The following SYN3 variants were observed in gnomAD, a reference collection of about 807,000 sequenced individuals.
SYN3 encodes synapsin III.
Under a neutral mutation model 65.8 loss-of-function variants are expected in SYN3, and 35 were observed. The observed-to-expected ratio is 0.53, with a 90% CI of 0.41 to 0.70. The LOEUF is 0.70. SYN3 is among the 30% of genes least tolerant of loss of function. SYN3 has a pLI of 0.00. For missense variants in SYN3, 680 were observed against 749.0 expected (o/e 0.91, Z 1.08); for synonymous variants, 270 against 292.9 (o/e 0.92, Z 0.80).
rs188394207 is a variant in SYN3, at chr22:32,877,176, G to A, written c.462-8051C>T. ...ACAATTGCTCCGAGGTCACTTCTAAGTGTGAAGCCCCCAGATCAGATGGCT... is the reference window on the plus strand; with the variant it reads ...ACAATTGCTCCGAGGTCACTTCTAAATGTGAAGCCCCCAGATCAGATGGCT... On this transcript the variant is annotated intron_variant, in intron 4 of 13. Coordinates refer to ENST00000358763, the MANE Select transcript of SYN3 (RefSeq NM_003490.4). Among the ~76,000 whole-genome samples, 58 of 152,278 alleles carry A rather than the reference G, an allele frequency of 3.8e-4. No homozygotes were observed. The East Asian group carries it at 7.7e-3, about 20-fold the overall frequency.
rs747774661 is a variant in SYN3 at position 33,006,534 on chromosome 22, C to T, written c.129G>A (p.Arg43=). The T allele has an allele frequency of 2.2e-5, 35 of 1,614,160 alleles. No individual in the cohort carries two copies. The highest frequency in any genetic ancestry group is 2.8e-5 in the Non-Finnish European group (33 of 1,180,034). ...SSPASPAMER[R]HPQPLAASFS... ...AGGAGGCAGCCAGGGGCTGGGGGTG[C>T]CTCCTCTCCATGGCGGGGGAAGCAG... Residue 43 remains arginine, a synonymous_variant, in exon 2 of 14, where the codon AGG becomes AGA. Transcript: ENST00000358763.
intron 6 of SYN3, among the ~76,000 whole-genome samples, chr22:32,729,383 C>A (rs2061240491): frequency 6.6e-6 from 1 of 152,232 alleles, no homozygotes; most frequent in African/African-American, 2.4e-5. Context: ...AAGTTGCAGA[C>A]AGAGCCAGTG....
intron 6 of SYN3, among the ~76,000 whole-genome samples, chr22:32,811,228 A>AG (rs1160615129): frequency 1.3e-5 from 2 of 152,088 alleles, no homozygotes; most frequent in Non-Finnish European, 2.9e-5. Flanking sequence ...AAGCAGACTG[A>AG]GGGGGGCCCC....
rs758431090 is a variant in SYN3, at chr22:33,006,467, C to T, written c.196G>A (p.Ala66Thr). The T allele has an allele frequency of 6.2e-7, 1 of 1,614,174 alleles. No homozygotes were observed. The highest frequency in any genetic ancestry group is 1.1e-5 in the South Asian group (1 of 91,078). ...GSSLFSSLSS[A>T]MKQAPQATSG... ...GTGGCCTGAGGGGCCTGCTTCATGG[C>T]ACTGGAGAGGGAGCTAAAAAGGCTG... is the stretch of plus-strand genomic sequence containing the variant. Residue 66 changes from alanine (A) to threonine (T), a missense_variant, in exon 2 of 14, where the codon GCC (alanine) becomes ACC (threonine). Coordinates refer to ENST00000358763, the MANE Select transcript of SYN3 (RefSeq NM_003490.4).
intron 4 of SYN3, among the ~76,000 whole-genome samples, chr22:32,916,067 A>T (rs2050178204): frequency 6.6e-6 from 1 of 152,176 alleles, no homozygotes; most frequent in Non-Finnish European, 1.5e-5. Context: ...CCCTCTTGAA[A>T]ACCAGCTACC....
chr22:32,690,507 T>C (rs1416489477), intron 6 of SYN3, among the ~76,000 whole-genome samples: 1 of 152,200 alleles, frequency 6.6e-6, no homozygotes, highest in African/African-American at 2.4e-5. Flanking sequence ...CCAGCTGTTA[T>C]GGCCTTATTT....
chr22:32,752,902 G>T (rs542423336), intron 6 of SYN3, among the ~76,000 whole-genome samples: 4 of 152,112 alleles, frequency 2.6e-5, no homozygotes, highest in Non-Finnish European at 2.9e-5. Context: ...GAAATGGAGC[G>T]GGGGTGAGTG....
At chr22:32,642,437 TTTTTA>T (rs2059914378) in intron 6 of SYN3, among the ~76,000 whole-genome samples, 1 of 151,812 alleles carries the variant, frequency 6.6e-6, no homozygotes, top group Non-Finnish European at 1.5e-5. Flanking sequence ...ATTTTTTATC[TTTTTA>T]TTTTATTTTT....
chr22:32,752,173 T>A (rs1256348534), intron 6 of SYN3, among the ~76,000 whole-genome samples: 1 of 152,206 alleles, frequency 6.6e-6, no homozygotes, highest in Admixed American at 6.5e-5. Context: ...GCCCTCACTG[T>A]GAATCCTTAC....
At chr22:32,712,281 A>G (rs1473183480) in intron 6 of SYN3, among the ~76,000 whole-genome samples, 1 of 152,140 alleles carries the variant, frequency 6.6e-6, no homozygotes, top group Admixed American at 6.5e-5. Flanking sequence ...CTTCTGCTTC[A>G]TGCACTCTTC....
chr22:32,727,324 C>T (rs1312977580), intron 6 of SYN3, among the ~76,000 whole-genome samples: 1 of 152,212 alleles, frequency 6.6e-6, no homozygotes, highest in Non-Finnish European at 1.5e-5. Flanking sequence ...GATCTCATTC[C>T]TTTTAATTGC....
chr22:32,928,880 C>G (rs2050550575), intron 4 of SYN3, among the ~76,000 whole-genome samples: 2 of 152,168 alleles, frequency 1.3e-5, no homozygotes, highest in Admixed American at 1.3e-4. Context: ...ATCTCTTCAG[C>G]TGTACCTTTC....
intron 4 of SYN3, among the ~76,000 whole-genome samples, chr22:32,900,743 C>G (rs1190652476): frequency 6.6e-6 from 1 of 152,212 alleles, no homozygotes; most frequent in African/African-American, 2.4e-5. Flanking sequence ...GATTTAAAGA[C>G]CTGGACATGT....
chr22:32,589,918 C>G (rs2059104749), intron 7 of SYN3, among the ~76,000 whole-genome samples: 1 of 152,192 alleles, frequency 6.6e-6, no homozygotes, highest in African/African-American at 2.4e-5. Flanking sequence ...GACTGGCTAG[C>G]TAGGTGCAGG....
chr22:32,716,074 A>G (rs895082144), intron 6 of SYN3, among the ~76,000 whole-genome samples: 8 of 152,268 alleles, frequency 5.3e-5, no homozygotes, highest in African/African-American at 1.9e-4. Flanking sequence ...GGATGCTGCA[A>G]ATGGGTAGAG....
intron 3 of SYN3, among the ~76,000 whole-genome samples, chr22:32,962,472 T>C (rs1471807673): frequency 6.6e-6 from 1 of 152,162 alleles, no homozygotes; most frequent in Non-Finnish European, 1.5e-5. Context: ...ATTAAATACA[T>C]GCAGAGAACA....
At chr22:32,578,306 G>C (rs2058884552) in intron 7 of SYN3, among the ~76,000 whole-genome samples, 1 of 151,556 alleles carries the variant, frequency 6.6e-6, no homozygotes, top group Non-Finnish European at 1.5e-5. Flanking sequence ...GAGTGCAGTG[G>C]CATGATCATG....
intron 6 of SYN3, among the ~76,000 whole-genome samples, chr22:32,770,696 A>G (rs1049117200): frequency 2.0e-5 from 3 of 152,024 alleles, no homozygotes; most frequent in African/African-American, 4.8e-5. Context: ...ATATTCCCCA[A>G]TTAATAGGTG....
chr22:32,798,384 C>T (rs1015288604), intron 6 of SYN3, among the ~76,000 whole-genome samples: 2 of 152,082 alleles, frequency 1.3e-5, no homozygotes, highest in Non-Finnish European at 2.9e-5. Context: ...TGAAAATGGG[C>T]AAGTTCCTTC....
Sources: allele counts gnomAD v4.1 joint callset (sites outside exome capture counted in the v4.1 genomes callset), GRCh38; gene constraint gnomAD v4.1.1; transcripts MANE v1.5; gene names NCBI Gene and HGNC (gene_info 2026-07-23, HGNC 2026-07-21).